TRMU: variants seen among roughly 807,000 people sequenced by gnomAD.
TRMU encodes tRNA mitochondrial 2-thiouridylase, also known as mitochondrial tRNA-specific 2-thiouridylase 1.
In TRMU, 49 loss-of-function variants were observed where a neutral mutation model predicts 46.9. That is an observed-to-expected ratio of 1.05 (90% CI 0.83 to 1.33). The LOEUF (loss-of-function observed/expected upper bound fraction) is 1.33. TRMU is among the 40% of genes most tolerant of loss of function. The pLI, the probability that TRMU is intolerant of heterozygous loss-of-function variation, is 0.00. For missense variants in TRMU, 572 were observed against 532.4 expected (o/e 1.07, Z -0.73); for synonymous variants, 241 against 200.9 (o/e 1.20, Z -1.69).
intron 8 of TRMU, 197 bp from the exon 9 acceptor site, chr22:46,355,247 C>CTCATCT: frequency 1.3e-6 from 1 of 787,856 alleles, no homozygotes; most frequent in South Asian, 1.7e-5. Flanking sequence ...CCTTAGTCTC[C>CTCATCT]TCATCTGTAA....
In TRMU at chr22:46,335,815, C is replaced by A; in HGVS notation, c.51C>A (p.Ser17Arg). 1.3e-6 allele frequency: 2 copies of A among 1,557,322 alleles called. No homozygotes were observed. The highest frequency in any genetic ancestry group is 1.2e-5 in the South Asian group (1 of 85,586). The change falls in exon 1 of 11, where the codon AGC (serine) becomes AGA (arginine). Residue 17 changes from serine to arginine, a missense_variant. By Grantham distance (110) the Ser-to-Arg change is moderately radical (BLOSUM62 -1). Coordinates refer to ENST00000645190, the MANE Select transcript of TRMU (RefSeq NM_018006.5). ...VVCALSGGVD[S>R]AVAALLLRRR... ...GCGCCCTGTCCGGCGGCGTGGACAG[C>A]GCCGTGGCCGCGCTGCTGCTGAGGC...
In TRMU at chr22:46,349,618, C is replaced by T. The variant is rs959216627; in HGVS notation, c.479-673C>T. On this transcript the variant is annotated intron_variant, in intron 4 of 10. Transcript: ENST00000645190. The surrounding 1 kb of genome is among the most constrained non-coding windows in gnomAD (Gnocchi z 4.6). ...TTGAACTCGAGAGTGGAGAACTGGACGGTTCTAAGCCAGGTTTACTCACAC... is the reference window on the plus strand; with the variant it reads ...TTGAACTCGAGAGTGGAGAACTGGATGGTTCTAAGCCAGGTTTACTCACAC... Among the ~76,000 whole-genome samples the T allele has an allele frequency of 1.3e-5, 2 of 152,210 alleles. No homozygotes were observed. Among genetic ancestry groups the T allele is most frequent in the South Asian group, 2.1e-4 (1 of 4,832 alleles).
In TRMU at chr22:46,352,346, T is replaced by C. The variant is rs1569082329; in HGVS notation, c.772+16T>C. ...ACACATAAAGGTGAGGTGCAGACTC[T>C]GCCACTTGTCATCTGAAATGCCTAG... On this transcript the variant is annotated intron_variant, in intron 7 of 10. Coordinates refer to ENST00000645190, the MANE Select transcript of TRMU (RefSeq NM_018006.5). 1 of 1,613,888 alleles carries C rather than the reference T, an allele frequency of 6.2e-7. No homozygotes were observed.
intron 9 of TRMU, 67 bp downstream of exon 9, chr22:46,355,655 C>A: frequency 6.2e-7 from 1 of 1,611,602 alleles, no homozygotes; most frequent in South Asian, 1.1e-5. Flanking sequence ...CAGATTTGGG[C>A]CAGGGATGGG....
chr22:46,353,654 A>C (rs1000374679), intron 7 of TRMU, 113 bp from the exon 8 acceptor site: 1 of 930,624 alleles, frequency 1.1e-6, no homozygotes, highest in Middle Eastern at 2.6e-4. Flanking sequence ...AGTGAGTTAC[A>C]CCATTGCTGG....
chr22:46,352,992 G>A, intron 7 of TRMU: 1 of 166,874 alleles, frequency 6.0e-6, no homozygotes, highest in Non-Finnish European at 1.3e-5. Flanking sequence ...GGCCAGGAGA[G>A]CCAGGCTGCA....
At chr22:46,355,946 G>A in intron 9 of TRMU, 44 bp from the exon 10 acceptor site, 1 of 1,608,696 alleles carries the variant, frequency 6.2e-7, no homozygotes, top group South Asian at 1.1e-5. Context: ...AGGTCGACCA[G>A]GAAAGGCCTG....
chr22:46,350,208 C>G lies in TRMU; in HGVS notation c.479-83C>G. 6.4e-7 allele frequency: 1 copy of G among 1,556,496 alleles called. No individual in the cohort carries two copies. The highest frequency in any genetic ancestry group is 8.8e-7 in the Non-Finnish European group (1 of 1,131,452). ...CTCTGACAGGCTAGGGGTAGTCTGT[C>G]TAAGTGAACAGAAGGACATTGTTGA... On this transcript the variant is annotated intron_variant, in intron 4 of 10. Coordinates refer to ENST00000645190, the MANE Select transcript of TRMU (RefSeq NM_018006.5). The surrounding 1 kb of genome is among the most constrained non-coding windows in gnomAD (Gnocchi z 4.6).
intron 7 of TRMU, 174 bp downstream of exon 7, chr22:46,352,504 G>A (rs1013823313): frequency 1.3e-5 from 9 of 701,174 alleles, no homozygotes; most frequent in African/African-American, 7.1e-5. Context: ...TTGCCTTGAT[G>A]GTGGCTGGGT....
At position 46,352,182 on chromosome 22, in the gene TRMU, C is replaced by G. The variant is rs780158018; in HGVS notation, c.705+8C>G. 6.2e-7 allele frequency: 1 copy of G among 1,614,088 alleles called. No individual in the cohort carries two copies. Among genetic ancestry groups the G allele is most frequent in the African/African-American group, 1.3e-5 (1 of 74,934 alleles). ...GAACATTTCCTTCTTCAGGTGCGTG[C>G]TGCTCTTTGACACAAAGAGATGGGG... is the stretch of plus-strand genomic sequence containing the variant. On this transcript the variant is annotated splice_region_variant and intron_variant, in intron 6 of 10. Transcript: ENST00000645190.
In TRMU at chr22:46,336,036, G is replaced by C. The variant is rs1246310969; in HGVS notation, c.82+190G>C. 7.1e-7 allele frequency: 1 copy of C among 1,413,790 alleles called. No individual in the cohort carries two copies. Among genetic ancestry groups the C allele is most frequent in the Non-Finnish European group, 9.2e-7 (1 of 1,087,394 alleles). 87.6% of individuals were successfully genotyped at this position (1,413,790 alleles called of 1,614,324 possible). A position where few individuals can be genotyped will look rare whatever the true frequency, so the allele number is the denominator to read the frequency against. On this transcript the variant is annotated intron_variant, in intron 1 of 10. Coordinates refer to ENST00000645190, the MANE Select transcript of TRMU (RefSeq NM_018006.5). The surrounding 1 kb of genome is among the most constrained non-coding windows in gnomAD (Gnocchi z 4.1). Reference sequence around the variant, plus strand: ...GCCCTCCACCTGTGTAGTCGGAGGTGTGCGCGACTGCAGCTCCGACTACCT... The same window carrying C: ...GCCCTCCACCTGTGTAGTCGGAGGTCTGCGCGACTGCAGCTCCGACTACCT...
In TRMU at chr22:46,355,533, G is replaced by C. The variant is rs201210055; in HGVS notation, c.963G>C (p.Leu321=). 1 of 1,613,182 alleles carries C rather than the reference G, an allele frequency of 6.2e-7. No homozygotes were observed. Among genetic ancestry groups the C allele is most frequent in the African/African-American group, 1.3e-5 (1 of 74,930 alleles). The change falls in exon 9 of 11, where the codon CTG becomes CTC. Residue 321 remains leucine, a synonymous_variant. Transcript: ENST00000645190. ...TTGCGGAGGAGCCTCCCGCAGCACT[G>C]GTCCGGGACAAGATGATGGAGTGCC... is the stretch of plus-strand genomic sequence containing the variant. ...HWIAEEPPAA[L]VRDKMMECHF... is the part of the protein sequence containing the mutation.
At position 46,339,221 on chromosome 22, in the gene TRMU, C is replaced by T. The variant is rs943567139; in HGVS notation, c.248+1277C>T. ...CTGGAGTGCAGTGGCGCAATCTTGG[C>T]TCACTGCAACATCTGCCTCCCAGGT... On this transcript the variant is annotated intron_variant, in intron 2 of 10. Transcript: ENST00000645190. The surrounding 1 kb of genome is among the most constrained non-coding windows in gnomAD (Gnocchi z 4.8). Among the ~76,000 whole-genome samples the T allele has an allele frequency of 6.6e-6, 1 of 152,194 alleles. No individual in the cohort carries two copies.
chr22:46,351,968 C>T lies in TRMU; in HGVS notation c.652-153C>T, dbSNP rs1411461999. The T allele has an allele frequency of 1.5e-5, 12 of 827,076 alleles. No homozygotes were observed. The highest frequency in any genetic ancestry group is 5.4e-5 in the South Asian group (4 of 74,622). 51.2% of individuals were successfully genotyped at this position (827,076 alleles called of 1,614,324 possible). A position where few individuals can be genotyped will look rare whatever the true frequency, so the allele number is the denominator to read the frequency against. ...CATCGTGTGCGCCGGCTGTGACTGG[C>T]GGCCGAGGGTGCCGGTGGGCAGCCG... On this transcript the variant is annotated intron_variant, in intron 5 of 10. Coordinates refer to ENST00000645190, the MANE Select transcript of TRMU (RefSeq NM_018006.5). The surrounding 1 kb of genome is among the most constrained non-coding windows in gnomAD (Gnocchi z 6.4).
At chr22:46,343,697 C>T (rs1292093329) in intron 3 of TRMU, among the ~76,000 whole-genome samples, 2 of 152,134 alleles carry the variant, frequency 1.3e-5, no homozygotes, top group African/African-American at 4.8e-5. Context: ...GTGGAACCTC[C>T]TGATACTGAA....
rs112946940 is a variant in TRMU, at chr22:46,356,687, TCAGCAGCAG to T, written c.1102-143_1102-135del. On this transcript the variant is annotated intron_variant, in intron 10 of 10. Transcript: ENST00000645190. ...GTGCCCCAGGCCTCTCCTCTCCTGT[TCAGCAGCAG>T]CAGCAGCAGCAAAACCCTGCTCCCC... The T allele has an allele frequency of 1.0e-4, 91 of 896,708 alleles. No individual in the cohort carries two copies. The African/African-American group carries it at 1.4e-3, about 14-fold the overall frequency. The allele number at this position is 896,708 out of a possible 1,614,324, so 55.5% of individuals were successfully genotyped here. A position where few individuals can be genotyped will look rare whatever the true frequency, so the allele number is the denominator to read the frequency against.
intron 8 of TRMU, chr22:46,355,062 T>G: frequency 3.1e-6 from 1 of 325,202 alleles, no homozygotes. Context: ...GTGGTGTGGC[T>G]GGCCCCTGTC....
rs2147123053 is a variant in TRMU at position 46,356,835 on chromosome 22, C to T, written c.1102-7C>T. On this transcript the variant is annotated splice_region_variant and splice_polypyrimidine_tract_variant and intron_variant, in intron 10 of 10. Coordinates refer to ENST00000645190, the MANE Select transcript of TRMU (RefSeq NM_018006.5). ...GCACCCCTGATGCCAGGGTCTCTCCCCTACAGTTTGCTGTGTTCTACAAGG... is the reference window on the plus strand; with the variant it reads ...GCACCCCTGATGCCAGGGTCTCTCCTCTACAGTTTGCTGTGTTCTACAAGG... 6.2e-7 allele frequency: 1 copy of T among 1,613,096 alleles called. No homozygotes were observed. The highest frequency in any genetic ancestry group is 8.5e-7 in the Non-Finnish European group (1 of 1,179,828).
intron 4 of TRMU, 125 bp downstream of exon 4, chr22:46,346,669 A>T: frequency 8.4e-7 from 1 of 1,195,834 alleles, no homozygotes; most frequent in Non-Finnish European, 1.2e-6. Flanking sequence ...AGTAGCTTGT[A>T]TGGGATTCAC....
Sources: allele counts gnomAD v4.1 joint callset (sites outside exome capture counted in the v4.1 genomes callset), GRCh38; gene constraint gnomAD v4.1.1; non-coding constraint Gnocchi (gnomAD v3.1); transcripts MANE v1.5; gene names NCBI Gene and HGNC (gene_info 2026-07-23, HGNC 2026-07-21).